Variants in NRXN2 observed in about 807,000 individuals in gnomAD.
NRXN2 encodes neurexin 2, also known as neurexin-2-beta.
Under a neutral mutation model 128.8 loss-of-function variants are expected in NRXN2, and 29 were observed. The observed-to-expected ratio is 0.23, with a 90% CI of 0.17 to 0.31. The LOEUF is 0.31. NRXN2 is among the 10% of genes least tolerant of loss of function. The pLI, the probability that NRXN2 is intolerant of heterozygous loss-of-function variation, is 1.00. For synonymous variants in NRXN2, 1,098 were observed against 1,075.2 expected, an observed-to-expected ratio of 1.02 and a Z score of -0.41; for missense variants, 1,881 against 2,452.6, an observed-to-expected ratio of 0.77 and a Z score of 4.92.
rs2042459567 is a variant in NRXN2, at chr11:64,622,234, AGAGGCTC to A, written c.4173+512_4173+518del. On this transcript the variant is annotated intron_variant, in intron 21 of 22. Transcript: ENST00000265459. This position sits in a 1 kb window ranked among gnomAD's most constrained non-coding sequence, Gnocchi z 4.3. Reference sequence around the variant, plus strand: ...ACTGCAGGGACCCCAGCAAACAAGGAGAGGCTCCTCCTAGCTTCCACCAGCCTCTGGA... The same window carrying A: ...ACTGCAGGGACCCCAGCAAACAAGGACTCCTAGCTTCCACCAGCCTCTGGA... Among the ~76,000 whole-genome samples, 1 of 152,140 alleles carries A rather than the reference AGAGGCTC, an allele frequency of 6.6e-6. No homozygotes were observed. The highest frequency in any genetic ancestry group is 2.4e-5 in the African/African-American group (1 of 41,434).
chr11:64,705,478 G>A (rs2056141593), intron 2 of NRXN2, among the ~76,000 whole-genome samples: 1 of 151,600 alleles, frequency 6.6e-6, no homozygotes, highest in Non-Finnish European at 1.5e-5. Context: ...AATTCTCTGT[G>A]TTCCAATTGC....
At chr11:64,717,357 G>A (rs1234740600) in intron 1 of NRXN2, among the ~76,000 whole-genome samples, 1 of 152,120 alleles carries the variant, frequency 6.6e-6, no homozygotes, top group Non-Finnish European at 1.5e-5. Context: ...CTGGCCCAGA[G>A]CCGCCACACC....
chr11:64,721,669 G>T (rs1043566735), intron 1 of NRXN2, among the ~76,000 whole-genome samples: 3 of 151,920 alleles, frequency 2.0e-5, no homozygotes, highest in African/African-American at 7.3e-5. Context: ...TCCTTCTCTG[G>T]CAGAAGACAG....
At chr11:64,663,090 C>T (rs1040987087) in intron 9 of NRXN2, among the ~76,000 whole-genome samples, 35 of 152,228 alleles carry the variant, frequency 2.3e-4, no homozygotes, top group Admixed American at 2.0e-3. Context: ...TCACCTGAGG[C>T]CGGGCGCAAT....
chr11:64,644,648 A>T (rs1219495185), intron 17 of NRXN2, among the ~76,000 whole-genome samples: 1 of 151,770 alleles, frequency 6.6e-6, no homozygotes, highest in Admixed American at 6.6e-5. Context: ...GACAGGGGAG[A>T]GGGTGGGAAG....
intron 3 of NRXN2, among the ~76,000 whole-genome samples, chr11:64,693,245 C>T (rs1276519170): frequency 7.0e-6 from 1 of 143,276 alleles, no homozygotes; most frequent in Non-Finnish European, 1.5e-5. Context: ...TTCTTCTTGC[C>T]GGAAAAAAAA....
chr11:64,607,647 C>T lies in NRXN2; in HGVS notation c.4688G>A (p.Gly1563Asp). 1 of 1,522,108 alleles carries T rather than the reference C, an allele frequency of 6.6e-7. No homozygotes were observed. The highest frequency in any genetic ancestry group is 1.4e-5 in the African/African-American group (1 of 71,146). 94.3% of individuals were successfully genotyped at this position (1,522,108 alleles called of 1,614,324 possible). A position where few individuals can be genotyped will look rare whatever the true frequency, so the allele number is the denominator to read the frequency against. Residue 1563 changes from glycine to aspartate, a missense_variant, in exon 23 of 23, where the codon GGC becomes GAC. Physicochemically the swap from Gly to Asp is moderately conservative, Grantham distance 94 (BLOSUM62 -1). Around this residue, in one of 7 missense-constraint regions of NRXN2, gnomAD observed 310 missense variants for 318.2 expected, o/e 0.97. Coordinates refer to ENST00000265459, the MANE Select transcript of NRXN2 (RefSeq NM_015080.4). ...AAGCGGGTCTCGGTGGTTCATTTTG[C>T]CCGCCGGCAGGTTGGGGGCCGGGGC... is the stretch of plus-strand genomic sequence containing the variant. ...PSAPAPNLPA[G>D]KMNHRDPLQP... is the part of the protein sequence containing the mutation.
chr11:64,607,726 T>C lies in NRXN2; in HGVS notation c.4609A>G (p.Asn1537Asp). The change falls in exon 23 of 23, where the codon AAC becomes GAC. Residue 1537 changes from asparagine (N) to aspartate (D), a missense_variant. By Grantham distance (23) the Asn-to-Asp change is conservative (BLOSUM62 1). Transcript: ENST00000265459. Reference protein sequence around the residue: ...LSPRKPAPRPNLRTDGATGAP... With the variant: ...LSPRKPAPRPDLRTDGATGAP... ...CCCGTGGCCCCATCTGTCCTGAGGT[T>C]GGGCCGGGGAGCGGGTTTGCGGGGT... 2 of 1,563,108 alleles carry C rather than the reference T, an allele frequency of 1.3e-6. No homozygotes were observed. The highest frequency in any genetic ancestry group is 1.7e-6 in the Non-Finnish European group (2 of 1,154,480).
At position 64,622,409 on chromosome 11, in the gene NRXN2, G is replaced by A. The variant is rs2042492562; in HGVS notation, c.4173+344C>T. ...CATGGCCTTCACTGGGGAAGCAGAA[G>A]GAGCCATCCTACTCTCACCCCAAGT... On this transcript the variant is annotated intron_variant, in intron 21 of 22. Transcript: ENST00000265459. This position sits in a 1 kb window ranked among gnomAD's most constrained non-coding sequence, Gnocchi z 4.3. 6.6e-6 allele frequency among the ~76,000 whole-genome samples: 1 copy of A among 152,176 alleles called. No homozygotes were observed. The highest frequency in any genetic ancestry group is 2.1e-4 in the South Asian group (1 of 4,826).
chr11:64,681,322 A>T (rs899047496), intron 6 of NRXN2, among the ~76,000 whole-genome samples: 1 of 152,204 alleles, frequency 6.6e-6, no homozygotes, highest in Non-Finnish European at 1.5e-5. Flanking sequence ...CAATAGTTGC[A>T]GGTATTAAGC....
At chr11:64,642,518 G>C (rs768393132) in intron 17 of NRXN2, 22 of 1,601,562 alleles carry the variant, frequency 1.4e-5, no homozygotes, top group Non-Finnish European at 1.8e-5. Flanking sequence ...CCGGGTGGCC[G>C]GCATCTACAG....
At chr11:64,650,693 G>C in intron 14 of NRXN2, 55 bp from the exon 15 acceptor site, 1 of 1,547,420 alleles carries the variant, frequency 6.5e-7, no homozygotes, top group Non-Finnish European at 8.9e-7. Flanking sequence ...TGCTGGGAAG[G>C]TGGGGTGAGG....
In NRXN2 at chr11:64,670,130, C is replaced by T. The variant is rs961225715; in HGVS notation, c.1198-1526G>A. Among the ~76,000 whole-genome samples the T allele has an allele frequency of 4.1e-4, 63 of 152,010 alleles. 1 individual carries two copies. Among genetic ancestry groups the T allele is most frequent in the African/African-American group, 1.4e-3 (59 of 41,392 alleles). ...TCCCCCTTGTGCTTGGCTGGAGCCTCGCAGTGAATAGGGTAGAGCTAAGCC... is the reference window on the plus strand; with the variant it reads ...TCCCCCTTGTGCTTGGCTGGAGCCTTGCAGTGAATAGGGTAGAGCTAAGCC... On this transcript the variant is annotated intron_variant, in intron 7 of 22. Transcript: ENST00000265459.
chr11:64,700,577 A>G (rs1406737534), intron 2 of NRXN2, among the ~76,000 whole-genome samples: 1 of 152,200 alleles, frequency 6.6e-6, no homozygotes, highest in Non-Finnish European at 1.5e-5. Context: ...CCAGGAGCAC[A>G]GAATCACTTT....
At position 64,651,712 on chromosome 11, in the gene NRXN2, C is replaced by T; in HGVS notation, c.2537-76G>A. ...GGGGCTTGGGTTCCCAGGAGCCTCCCCTCCACAGGAGGGCCACCCATGAGT... is the reference window on the plus strand; with the variant it reads ...GGGGCTTGGGTTCCCAGGAGCCTCCTCTCCACAGGAGGGCCACCCATGAGT... On this transcript the variant is annotated intron_variant, in intron 13 of 22. Transcript: ENST00000265459. The surrounding 1 kb of genome is among the most constrained non-coding windows in gnomAD (Gnocchi z 5.9). 1.9e-6 allele frequency: 3 copies of T among 1,550,614 alleles called. No homozygotes were observed. Among genetic ancestry groups the T allele is most frequent in the Non-Finnish European group, 2.6e-6 (3 of 1,134,572 alleles).
At chr11:64,641,690 G>A (rs913902567) in intron 17 of NRXN2, among the ~76,000 whole-genome samples, 3 of 152,032 alleles carry the variant, frequency 2.0e-5, no homozygotes, top group East Asian at 1.9e-4. Flanking sequence ...TGAGAAGGAA[G>A]GTTAAGTTTT....
chr11:64,618,454 C>T (rs1240132348), intron 22 of NRXN2, among the ~76,000 whole-genome samples: 1 of 152,216 alleles, frequency 6.6e-6, no homozygotes, highest in Non-Finnish European at 1.5e-5. Context: ...TTCTTCAGGA[C>T]CCTCAAAGAC....
At chr11:64,715,184 CAG>C (rs904145467) in intron 1 of NRXN2, among the ~76,000 whole-genome samples, 37 of 152,306 alleles carry the variant, frequency 2.4e-4, no homozygotes, top group African/African-American at 8.7e-4. Context: ...CAGCATTTGT[CAG>C]AGCCCTGGGT....
intron 9 of NRXN2, among the ~76,000 whole-genome samples, chr11:64,665,002 G>C (rs549050576): frequency 2.1e-4 from 31 of 148,126 alleles, no homozygotes; most frequent in South Asian, 4.3e-4. Context: ...AAAAAAAAAG[G>C]CCGGGCGCGG....
Sources: gnomAD v4.1 joint callset for allele counts (sites outside exome capture counted in the v4.1 genomes callset) on GRCh38, gnomAD v4.1.1 for gene constraint, gnomAD v4.1.1 regional missense constraint, Gnocchi (gnomAD v3.1) non-coding constraint, MANE v1.5 for transcripts, NCBI Gene and HGNC (gene_info 2026-07-23, HGNC 2026-07-21) for gene names.